The following UBN2 variants were observed in gnomAD, a reference collection of about 807,000 sequenced individuals.
UBN2 encodes the protein ubinuclein 2, also known as ubinuclein-2.
A neutral mutation model predicts 120.2 loss-of-function variants in UBN2; 35 were observed. The observed-to-expected ratio is 0.29, with a 90% CI of 0.22 to 0.39. The LOEUF (loss-of-function observed/expected upper bound fraction) is 0.39. Among genes scored for constraint, UBN2 ranks in the 10% least tolerant of loss-of-function variants. The pLI is 1.00. For synonymous variants in UBN2, 661 were observed against 648.7 expected, an observed-to-expected ratio of 1.02 and a Z score of -0.29; for missense variants, 1,693 against 1,663.2, an observed-to-expected ratio of 1.02 and a Z score of -0.31.
chr7:139,298,569 G>A lies in UBN2; in HGVS notation c.*733G>A, dbSNP rs755932259. 1.3e-5 allele frequency: 2 copies of A among 151,876 alleles called. No homozygotes were observed. The highest frequency in any genetic ancestry group is 2.4e-5 in the African/African-American group (1 of 41,356). 9.4% of individuals were successfully genotyped at this position (151,876 alleles called of 1,614,324 possible). ...CTAGATGTCCCCTTTTTGTAAAAGG[G>A]TCAATTTCATCTTCCGTTCAGAAGC... On this transcript the variant is annotated 3_prime_UTR_variant, in exon 18 of 18. Coordinates refer to ENST00000473989, the MANE Select transcript of UBN2 (RefSeq NM_173569.4).
chr7:139,298,128 C>A lies in UBN2; in HGVS notation c.*292C>A. Reference sequence around the variant, plus strand: ...CTCAGTTGTCAAACCCACAGAAATACAAATTTGATTTTTCCCGGGGGAGGA... The same window carrying A: ...CTCAGTTGTCAAACCCACAGAAATAAAAATTTGATTTTTCCCGGGGGAGGA... On this transcript the variant is annotated 3_prime_UTR_variant, in exon 18 of 18. Transcript: ENST00000473989. The A allele has an allele frequency of 3.3e-6, 1 of 299,546 alleles. No homozygotes were observed. The highest frequency in any genetic ancestry group is 6.1e-6 in the Non-Finnish European group (1 of 162,902). The allele number at this position is 299,546 out of a possible 1,614,324, so 18.6% of individuals were successfully genotyped here. A position where few individuals can be genotyped will look rare whatever the true frequency, so the allele number is the denominator to read the frequency against.
intron 8 of UBN2, among the ~76,000 whole-genome samples, 192 bp from the exon 9 acceptor site, chr7:139,272,130 A>G (rs1170868875): frequency 1.3e-5 from 2 of 152,218 alleles, no homozygotes; most frequent in Non-Finnish European, 2.9e-5. Context: ...TAACTGGAAT[A>G]TGTCATTCTA....
At chr7:139,234,572 A>G (rs1223299696) in intron 1 of UBN2, among the ~76,000 whole-genome samples, 1 of 152,186 alleles carries the variant, frequency 6.6e-6, no homozygotes, top group African/African-American at 2.4e-5. Context: ...TAGGATGATG[A>G]CTGGCATTGG....
At chr7:139,279,400 T>A (rs1325732885) in intron 13 of UBN2, 40 bp downstream of exon 13, 4 of 1,489,716 alleles carry the variant, frequency 2.7e-6, no homozygotes, top group Middle Eastern at 1.8e-4. Flanking sequence ...TTATAGTTGG[T>A]GAATGTTGAA....
At chr7:139,232,259 G>C (rs1016810475) in intron 1 of UBN2, among the ~76,000 whole-genome samples, 1 of 152,200 alleles carries the variant, frequency 6.6e-6, no homozygotes, top group Non-Finnish European at 1.5e-5. Flanking sequence ...TTTCCTTTCT[G>C]CTCCCCACAC....
intron 3 of UBN2, among the ~76,000 whole-genome samples, chr7:139,258,016 C>T (rs1430536027): frequency 6.6e-6 from 1 of 152,212 alleles, no homozygotes; most frequent in Non-Finnish European, 1.5e-5. Flanking sequence ...CCAGGTGATC[C>T]ACCCGCCTCA....
Position 139,269,508 on chromosome 7 carries a change from A to G in UBN2, c.1581A>G (p.Leu527=), listed in dbSNP as rs924096755. 6.2e-5 allele frequency: 100 copies of G among 1,614,038 alleles called. No individual in the cohort carries two copies. The highest frequency in any genetic ancestry group is 8.3e-5 in the Non-Finnish European group (98 of 1,180,038). ...CACTAGTAAAACGTCTGAAGAAGTT[A>G]CATCTCAATGTCCAGGTAAGAGGAA... ...KETLVKRLKK[L]HLNVQDDRLR... The change falls in exon 8 of 18, where the codon TTA becomes TTG. Residue 527 remains leucine (L), a synonymous_variant. Coordinates refer to ENST00000473989, the MANE Select transcript of UBN2 (RefSeq NM_173569.4).
At chr7:139,271,685 G>A (rs763768777) in intron 8 of UBN2, among the ~76,000 whole-genome samples, 1 of 152,128 alleles carries the variant, frequency 6.6e-6, no homozygotes, top group African/African-American at 2.4e-5. Context: ...ATATATACTT[G>A]TAAGATGCTT....
the UBN2 span, among the ~76,000 whole-genome samples, chr7:139,314,965 T>C: frequency 6.6e-6 from 1 of 150,778 alleles, no homozygotes; most frequent in South Asian, 2.1e-4. Context: ...TTTGATATAA[T>C]AATAATAATA....
intron 2 of UBN2, among the ~76,000 whole-genome samples, chr7:139,246,127 G>T (rs191580563): frequency 9.2e-5 from 14 of 152,280 alleles, no homozygotes; most frequent in African/African-American, 3.4e-4. Flanking sequence ...CACTTTAGGA[G>T]GCCAAGGCGA....
intron 17 of UBN2, 67 bp downstream of exon 17, chr7:139,294,048 CT>C: frequency 6.7e-7 from 1 of 1,501,928 alleles, no homozygotes. Flanking sequence ...TTATACTTTT[CT>C]GAAAACAATG....
Position 139,231,879 on chromosome 7 carries a change from T to C in UBN2, c.395T>C (p.Val132Ala). ...AGGGAGACGGTGCGCCTGGAGCTGG[T>C]GCTTAAGGACCCCACCGACGAGAGC... Reference protein sequence around the residue: ...PPRETVRLELVLKDPTDESCV... With the variant: ...PPRETVRLELALKDPTDESCV... The change falls in exon 1 of 18, where the codon GTG (valine) becomes GCG (alanine). Residue 132 changes from valine (V) to alanine (A), a missense_variant. Val to Ala is a moderately conservative substitution (Grantham distance 64). Transcript: ENST00000473989. 6.3e-7 allele frequency: 1 copy of C among 1,577,628 alleles called. No individual in the cohort carries two copies. The highest frequency in any genetic ancestry group is 8.6e-7 in the Non-Finnish European group (1 of 1,167,936).
At position 139,259,375 on chromosome 7, in the gene UBN2, G is replaced by A. The variant is rs374662903; in HGVS notation, c.905+5G>A. On this transcript the variant is annotated splice_donor_5th_base_variant and intron_variant, in intron 5 of 17. Coordinates refer to ENST00000473989, the MANE Select transcript of UBN2 (RefSeq NM_173569.4). ...AAAAGTTCCCAAACAACTGGGGTAC[G>A]TTAAATTAAACCTAAGAAGGGAACT... The A allele has an allele frequency of 6.5e-4, 1,053 of 1,612,958 alleles. 6 individuals are homozygous for A. In the South Asian group the frequency reaches 0.011, roughly 17 times the overall value.
In UBN2 at chr7:139,266,400, TG is replaced by T; in HGVS notation, c.1465del (p.Asp489ThrfsTer9). 6.7e-7 allele frequency: 1 copy of T among 1,497,158 alleles called. No individual in the cohort carries two copies. The highest frequency in any genetic ancestry group is 1.2e-5 in the South Asian group (1 of 82,348). The allele number at this position is 1,497,158 out of a possible 1,614,324, so 92.7% of individuals were successfully genotyped here. On this transcript the variant is annotated frameshift_variant and splice_region_variant, in exon 7 of 18. Coordinates refer to ENST00000473989, the MANE Select transcript of UBN2 (RefSeq NM_173569.4). LOFTEE classifies it high-confidence loss of function. ...ACACAGGATATGAATAATATTCTTC[TG>T]GAGTAAGTAATTTTCTTTAAAAAAA... is the stretch of plus-strand genomic sequence containing the variant. ...FFTQDMNNIL[L>X]DIELQLQELG...
At chr7:139,232,086 G>A in intron 1 of UBN2, 134 bp downstream of exon 1, 1 of 791,400 alleles carries the variant, frequency 1.3e-6, no homozygotes, top group Non-Finnish European at 1.9e-6. Context: ...GGGGGGCCGG[G>A]GCCGAGCGGG....
chr7:139,251,262 C>G (rs999292263), intron 2 of UBN2, among the ~76,000 whole-genome samples: 6 of 152,144 alleles, frequency 3.9e-5, no homozygotes, highest in East Asian at 3.8e-4. Flanking sequence ...TCCCATACAG[C>G]CTTCACCCAC....
At chr7:139,312,890 C>G (rs964725181), downstream of UBN2, among the ~76,000 whole-genome samples, 2 of 152,142 alleles carry the variant, frequency 1.3e-5, no homozygotes, top group Non-Finnish European at 2.9e-5. Flanking sequence ...CCCAATACCA[C>G]CTAACAGATC....
intron 15 of UBN2, among the ~76,000 whole-genome samples, chr7:139,286,775 G>A (rs1187805123): frequency 6.6e-6 from 1 of 152,112 alleles, no homozygotes; most frequent in Admixed American, 6.6e-5. Context: ...CTATTTATGT[G>A]GAACAGGAAC....
At chr7:139,328,208 G>A in the UBN2 span, among the ~76,000 whole-genome samples, 6 of 152,222 alleles carry the variant, frequency 3.9e-5, no homozygotes, top group South Asian at 4.1e-4. Context: ...CATGGCTGGG[G>A]AGGCCTCAGG....
Sources: allele counts gnomAD v4.1 joint callset (sites outside exome capture counted in the v4.1 genomes callset), GRCh38; gene constraint gnomAD v4.1.1; transcripts MANE v1.5; gene names NCBI Gene and HGNC (gene_info 2026-07-23, HGNC 2026-07-21).